Variants in TMTC2 observed in about 807,000 individuals in gnomAD.
TMTC2 encodes the protein protein O-mannosyl-transferase TMTC2.
Under a neutral mutation model 82.4 loss-of-function variants are expected in TMTC2, and 43 were observed. That is an observed-to-expected ratio of 0.52 (90% CI 0.41 to 0.67). TMTC2 has a LOEUF of 0.67. Among genes scored for constraint, TMTC2 ranks in the 30% least tolerant of loss-of-function variants. The pLI, the probability that TMTC2 is intolerant of heterozygous loss-of-function variation, is 0.00. For missense variants in TMTC2, 919 were observed against 1,012.4 expected, an observed-to-expected ratio of 0.91 and a Z score of 1.25; for synonymous variants, 408 against 381.9, an observed-to-expected ratio of 1.07 and a Z score of -0.80.
At chr12:82,869,963 G>A (rs995811372) in intron 2 of TMTC2, among the ~76,000 whole-genome samples, 3 of 152,154 alleles carry the variant, frequency 2.0e-5, no homozygotes, top group Non-Finnish European at 4.4e-5. Context: ...TCCCAACCAG[G>A]TTGAATGCTT....
chr12:82,712,520 A>C (rs1873681305), intron 1 of TMTC2, among the ~76,000 whole-genome samples: 1 of 151,530 alleles, frequency 6.6e-6, no homozygotes, highest in African/African-American at 2.4e-5. Context: ...TTCTGGACAC[A>C]GGAGGGGTCT....
chr12:82,964,182 A>T (rs1221420618), intron 4 of TMTC2, among the ~76,000 whole-genome samples: 1 of 151,804 alleles, frequency 6.6e-6, no homozygotes, highest in Non-Finnish European at 1.5e-5. Flanking sequence ...AACTGATTAC[A>T]AGAGAATGGG....
chr12:82,840,059 A>G (rs1212832666), intron 1 of TMTC2, among the ~76,000 whole-genome samples: 1 of 152,212 alleles, frequency 6.6e-6, no homozygotes, highest in African/African-American at 2.4e-5. Context: ...ATATAGGGGT[A>G]TTGACCAACA....
rs115321264 is a variant in TMTC2, at chr12:83,013,899, C to T, written c.2071-16899C>T. Among the ~76,000 whole-genome samples the T allele has an allele frequency of 7.4e-3, 1,124 of 152,134 alleles. 14 individuals are homozygous for T. The highest frequency in any genetic ancestry group is 0.025 in the African/African-American group (1,035 of 41,506). The stretch of plus-strand genomic sequence containing the variant: ...ATACATATTTCTAGGGCGAGGTGGG[C>T]GATGTATTCTTAAACTGTCTCCAGT... On this transcript the variant is annotated intron_variant, in intron 8 of 11. Transcript: ENST00000321196.
At chr12:82,833,569 A>C (rs915605753) in intron 1 of TMTC2, among the ~76,000 whole-genome samples, 1 of 152,230 alleles carries the variant, frequency 6.6e-6, no homozygotes, top group Non-Finnish European at 1.5e-5. Flanking sequence ...TGCTCACAAA[A>C]TGTGTAGTAT....
chr12:82,742,349 T>G (rs1460729735), intron 1 of TMTC2, among the ~76,000 whole-genome samples: 3 of 51,126 alleles, frequency 5.9e-5, no homozygotes, highest in African/African-American at 2.3e-4. Flanking sequence ...GGGGCCTAAA[T>G]GAAGAAGTTT....
chr12:82,943,395 T>G (rs1009724176), intron 4 of TMTC2, among the ~76,000 whole-genome samples: 10 of 152,168 alleles, frequency 6.6e-5, no homozygotes, highest in African/African-American at 2.4e-4. Flanking sequence ...GACTCTAAAT[T>G]TACTTTTCCA....
intron 1 of TMTC2, among the ~76,000 whole-genome samples, chr12:82,826,065 C>G (rs145024393): frequency 1.5e-3 from 232 of 152,340 alleles, no homozygotes; most frequent in African/African-American, 5.4e-3. Context: ...TTATACATAT[C>G]AAGCTGATTT....
chr12:82,983,145 A>G (rs1592673849), intron 7 of TMTC2, among the ~76,000 whole-genome samples: 1 of 152,138 alleles, frequency 6.6e-6, no homozygotes, highest in East Asian at 1.9e-4. Flanking sequence ...TAAGTCAGAC[A>G]TTTGTCACCT....
At chr12:83,041,920 T>C (rs1272264610) in intron 9 of TMTC2, among the ~76,000 whole-genome samples, 3 of 152,162 alleles carry the variant, frequency 2.0e-5, no homozygotes, top group African/African-American at 7.2e-5. Flanking sequence ...TGAAGATAAA[T>C]TGAATACACA....
In TMTC2 at chr12:82,896,484, G is replaced by A. The variant is rs1328681843; in HGVS notation, c.1321G>A (p.Ala441Thr). ...FCLLITVGAR[A>T]LYVKVQKRFL... is the part of the protein sequence containing the mutation. The stretch of plus-strand genomic sequence containing the variant: ...CCTACTGATTACAGTGGGTGCTAGA[G>A]CCCTTTATGTCAAAGTCCAAAAGCG... The change falls in exon 3 of 12, where the codon GCC becomes ACC. Residue 441 changes from alanine to threonine, a missense_variant. Ala to Thr is a moderately conservative substitution (Grantham distance 58). Coordinates refer to ENST00000321196, the MANE Select transcript of TMTC2 (RefSeq NM_152588.3). 2 of 1,614,158 alleles carry A rather than the reference G, an allele frequency of 1.2e-6. No individual in the cohort carries two copies. The highest frequency in any genetic ancestry group is 1.7e-5 in the Admixed American group (1 of 60,016).
At chr12:82,689,146 G>C (rs1872468719) in intron 1 of TMTC2, among the ~76,000 whole-genome samples, 1 of 152,154 alleles carries the variant, frequency 6.6e-6, no homozygotes, top group Non-Finnish European at 1.5e-5. Flanking sequence ...TTGTGTAATG[G>C]TGCACCTGCT....
intron 3 of TMTC2, among the ~76,000 whole-genome samples, chr12:82,908,817 T>G (rs1232764558): frequency 1.3e-5 from 2 of 152,162 alleles, no homozygotes; most frequent in Non-Finnish European, 2.9e-5. Context: ...TTTTTCCTGT[T>G]GATTTAATTT....
chr12:82,994,193 A>G (rs745611049), intron 8 of TMTC2, among the ~76,000 whole-genome samples: 1 of 152,132 alleles, frequency 6.6e-6, no homozygotes, highest in Non-Finnish European at 1.5e-5. Flanking sequence ...GTCTCGCTGT[A>G]TCGCCCCAGG....
At chr12:82,854,485 G>T (rs1871150303) in intron 1 of TMTC2, among the ~76,000 whole-genome samples, 1 of 152,090 alleles carries the variant, frequency 6.6e-6, no homozygotes, top group Non-Finnish European at 1.5e-5. Context: ...GAGGGGAGGG[G>T]TGCAGGGGAA....
intron 7 of TMTC2, among the ~76,000 whole-genome samples, chr12:82,971,228 A>G (rs1592666076): frequency 6.6e-6 from 1 of 151,644 alleles, no homozygotes; most frequent in African/African-American, 2.4e-5. Flanking sequence ...ACTTGAATCC[A>G]AATGCTTTTT....
chr12:82,783,540 C>T (rs1377748712), intron 1 of TMTC2, among the ~76,000 whole-genome samples: 8 of 152,016 alleles, frequency 5.3e-5, no homozygotes. Flanking sequence ...CAGTAGGTTA[C>T]TGATCTTTCT....
At chr12:82,864,362 G>T (rs920996662) in intron 2 of TMTC2, among the ~76,000 whole-genome samples, 9 of 152,028 alleles carry the variant, frequency 5.9e-5, no homozygotes, top group African/African-American at 1.5e-4. Context: ...CGGGAGTCGG[G>T]GGTGAGGGGA....
At chr12:83,037,088 A>G (rs889789657) in intron 9 of TMTC2, among the ~76,000 whole-genome samples, 2 of 152,172 alleles carry the variant, frequency 1.3e-5, no homozygotes, top group African/African-American at 4.8e-5. Context: ...TTGAGGATCA[A>G]ATTTCAACAT....
Sources: gnomAD v4.1 joint callset for allele counts (sites outside exome capture counted in the v4.1 genomes callset) on GRCh38, gnomAD v4.1.1 for gene constraint, MANE v1.5 for transcripts, NCBI Gene and HGNC (gene_info 2026-07-23, HGNC 2026-07-21) for gene names.